DYNC2I2: variants seen among roughly 807,000 people sequenced by gnomAD.
The protein encoded by DYNC2I2 is dynein 2 intermediate chain 2.
Under a neutral mutation model 52.0 loss-of-function variants are expected in DYNC2I2, and 39 were observed. The ratio of observed to expected loss-of-function variants is 0.75; its 90% CI spans 0.58 to 0.98. The LOEUF is 0.98. Ranked by LOEUF, DYNC2I2 falls within the 50% of genes least tolerant of loss-of-function variation. The pLI, the probability that DYNC2I2 is intolerant of heterozygous loss-of-function variation, is 0.00. For synonymous variants in DYNC2I2, 359 were observed against 321.1 expected, an observed-to-expected ratio of 1.12 and a Z score of -1.26; for missense variants, 743 against 728.4, an observed-to-expected ratio of 1.02 and a Z score of -0.23.
At chr9:128,641,710 T>G (rs945527824) in intron 1 of DYNC2I2, among the ~76,000 whole-genome samples, 1 of 152,060 alleles carries the variant, frequency 6.6e-6, no homozygotes. Flanking sequence ...ACTGCCACAC[T>G]CCCTCCTTCC....
In DYNC2I2 at chr9:128,633,733, C is replaced by T; in HGVS notation, c.*11G>A. 6.2e-7 allele frequency: 1 copy of T among 1,611,140 alleles called. No homozygotes were observed. The highest frequency in any genetic ancestry group is 1.1e-5 in the South Asian group (1 of 91,006). On this transcript the variant is annotated 3_prime_UTR_variant, in exon 9 of 9. Coordinates refer to ENST00000372715, the MANE Select transcript of DYNC2I2 (RefSeq NM_052844.4). ...GCACAGCGAAGGCTTGCACCCGCCT[C>T]CCGGGACCCCTCAGGCCGCCACCTC...
chr9:128,666,680 A>G, the DYNC2I2 span, among the ~76,000 whole-genome samples: 1 of 150,894 alleles, frequency 6.6e-6, no homozygotes, highest in Non-Finnish European at 1.5e-5. Context: ...AATCCCTTGA[A>G]CCCAGGAGGC....
At position 128,650,243 on chromosome 9, in the gene DYNC2I2, G is replaced by GC. The variant is rs1478343394; in HGVS notation, c.186+6297dup. On this transcript the variant is annotated intron_variant, in intron 1 of 8. Coordinates refer to ENST00000372715, the MANE Select transcript of DYNC2I2 (RefSeq NM_052844.4). ...TACCTTTGAGAAGAGGAATGAGGAGGCCCCCCTCAGCTGAGACAGCAGGGC... is the reference window on the plus strand; with the variant it reads ...TACCTTTGAGAAGAGGAATGAGGAGGCCCCCCCTCAGCTGAGACAGCAGGGC... Among the ~76,000 whole-genome samples, 150 of 55,222 alleles carry GC rather than the reference G, an allele frequency of 2.7e-3. 42 individuals are homozygous for GC. The highest frequency in any genetic ancestry group is 4.6e-3 in the African/African-American group (127 of 27,752). The allele number at this position is 55,222 out of a possible 152,430, so 36.2% of individuals were successfully genotyped here.
At chr9:128,639,991 G>C (rs940924884) in intron 2 of DYNC2I2, among the ~76,000 whole-genome samples, 4 of 137,338 alleles carry the variant, frequency 2.9e-5, no homozygotes, top group Non-Finnish European at 6.2e-5. Context: ...GAGGAGTGAA[G>C]AAGATACCAC....
rs1167338658 is a variant in DYNC2I2 at position 128,635,248 on chromosome 9, C to G, written c.825G>C (p.Leu275=). 1.2e-6 allele frequency: 2 copies of G among 1,612,626 alleles called. No individual in the cohort carries two copies. Among genetic ancestry groups the G allele is most frequent in the African/African-American group, 2.7e-5 (2 of 74,910 alleles). The change falls in exon 6 of 9, where the codon CTG becomes CTC. Residue 275 remains leucine, a synonymous_variant. Coordinates refer to ENST00000372715, the MANE Select transcript of DYNC2I2 (RefSeq NM_052844.4). ...HTDPVSQVVW[L]PEPGHSHRFQ... ...AGCGGTGGCTGTGCCCAGGCTCGGG[C>G]AGCCACACCACCTGAGTTAACAGCA...
chr9:128,636,718 G>A (rs2132147362), intron 3 of DYNC2I2, among the ~76,000 whole-genome samples, 200 bp downstream of exon 3: 1 of 152,280 alleles, frequency 6.6e-6, no homozygotes, highest in Middle Eastern at 3.4e-3. Context: ...TCCAGGCAGG[G>A]GGGAGGGTGA....
Position 128,637,004 on chromosome 9 carries a change from G to A in DYNC2I2, c.459C>T (p.Gly153=). The A allele has an allele frequency of 1.2e-6, 2 of 1,613,364 alleles. No homozygotes were observed. The highest frequency in any genetic ancestry group is 1.7e-6 in the Non-Finnish European group (2 of 1,179,954). ...GACCCTGCGCTTGGGCTGGCGGGTA[G>A]CCCAGGGTATACAGACAAGACACCT... ...QQMVSCLYTL[G]YPPAQAQGLH... Residue 153 remains glycine (G), a synonymous_variant, in exon 3 of 9, where the codon GGC becomes GGT. Coordinates refer to ENST00000372715, the MANE Select transcript of DYNC2I2 (RefSeq NM_052844.4).
the DYNC2I2 span, chr9:128,683,322 C>G: frequency 7.8e-6 from 1 of 128,306 alleles, no homozygotes; most frequent in Non-Finnish European, 1.6e-5. Flanking sequence ...CTTTGTAATT[C>G]TTGATTGGGA....
chr9:128,639,667 T>C (rs968765664), intron 2 of DYNC2I2, among the ~76,000 whole-genome samples: 1 of 151,502 alleles, frequency 6.6e-6, no homozygotes, highest in South Asian at 2.1e-4. Context: ...TTTTTTGTTG[T>C]TTTTTTGTCT....
upstream of DYNC2I2, among the ~76,000 whole-genome samples, chr9:128,659,278 G>C (rs947858437): frequency 2.7e-5 from 4 of 149,202 alleles, no homozygotes. Flanking sequence ...GGCGGATCAC[G>C]AGGTCAGGAG....
the DYNC2I2 span, among the ~76,000 whole-genome samples, chr9:128,677,686 A>C: frequency 6.6e-6 from 1 of 151,878 alleles, no homozygotes; most frequent in African/African-American, 2.4e-5. Context: ...AGGCACCTGT[A>C]ATTCCAGCTA....
the DYNC2I2 span, among the ~76,000 whole-genome samples, chr9:128,680,534 T>G: frequency 7.0e-6 from 1 of 143,248 alleles, no homozygotes; most frequent in Non-Finnish European, 1.5e-5. Context: ...CCCGCCACCA[T>G]GCTCGGCTAA....
At chr9:128,664,695 G>A in the DYNC2I2 span, among the ~76,000 whole-genome samples, 1 of 151,450 alleles carries the variant, frequency 6.6e-6, no homozygotes, top group African/African-American at 2.4e-5. Flanking sequence ...ATGTTGGCCA[G>A]GCTGGTCACG....
rs866388031 is a variant in DYNC2I2 at position 128,649,274 on chromosome 9, G to A, written c.186+7267C>T. Among the ~76,000 whole-genome samples, 7 of 152,182 alleles carry A rather than the reference G, an allele frequency of 4.6e-5. No homozygotes were observed. The South Asian group carries it at 1.5e-3, about 32-fold the overall frequency. Reference sequence around the variant, plus strand: ...AGCTGGGCAACAAAGCAAGACCTCTGACTCTACAGAATTTTCCAAATTAGC... The same window carrying A: ...AGCTGGGCAACAAAGCAAGACCTCTAACTCTACAGAATTTTCCAAATTAGC... On this transcript the variant is annotated intron_variant, in intron 1 of 8. Coordinates refer to ENST00000372715, the MANE Select transcript of DYNC2I2 (RefSeq NM_052844.4).
At chr9:128,662,156 C>T in the DYNC2I2 span, among the ~76,000 whole-genome samples, 1 of 151,790 alleles carries the variant, frequency 6.6e-6, no homozygotes, top group East Asian at 2.0e-4. Context: ...TCACTTGAAC[C>T]TGGGAGGCGG....
chr9:128,671,626 C>A, the DYNC2I2 span, among the ~76,000 whole-genome samples: 1 of 151,686 alleles, frequency 6.6e-6, no homozygotes, highest in East Asian at 1.9e-4. Context: ...GTGCGTGCCA[C>A]CACGTCCAGC....
At chr9:128,640,370 G>T (rs1340106578) in intron 2 of DYNC2I2, among the ~76,000 whole-genome samples, 1 of 152,178 alleles carries the variant, frequency 6.6e-6, no homozygotes, top group Non-Finnish European at 1.5e-5. Flanking sequence ...CGTACATGGG[G>T]AGGCAGGGCA....
chr9:128,676,851 G>T, the DYNC2I2 span, among the ~76,000 whole-genome samples: 297 of 78,154 alleles, frequency 3.8e-3, no homozygotes, highest in Middle Eastern at 0.021. Context: ...TTTTTTTTTT[G>T]TTTTGTTTTG....
At chr9:128,649,302 G>A (rs564001170) in intron 1 of DYNC2I2, among the ~76,000 whole-genome samples, 2 of 152,080 alleles carry the variant, frequency 1.3e-5, no homozygotes, top group Non-Finnish European at 2.9e-5. Flanking sequence ...AAATTAGCCA[G>A]GCGCGATGGT....
Sources: gnomAD v4.1 joint callset for allele counts (sites outside exome capture counted in the v4.1 genomes callset) on GRCh38, gnomAD v4.1.1 for gene constraint, MANE v1.5 for transcripts, NCBI Gene and HGNC (gene_info 2026-07-23, HGNC 2026-07-21) for gene names.